The following ANKS1B variants were observed in gnomAD, a reference collection of about 807,000 sequenced individuals.
ANKS1B encodes ankyrin repeat and sterile alpha motif domain-containing protein 1B.
In ANKS1B, 36 loss-of-function variants were observed where a neutral mutation model predicts 148.3. The ratio of observed to expected loss-of-function variants is 0.24; its 90% CI spans 0.19 to 0.32. The LOEUF (loss-of-function observed/expected upper bound fraction) is 0.32. Ranked by LOEUF, ANKS1B falls within the 10% of genes least tolerant of loss-of-function variation. ANKS1B has a pLI of 1.00. For missense variants in ANKS1B, 1,157 were observed against 1,542.6 expected, an observed-to-expected ratio of 0.75 and a Z score of 4.19; for synonymous variants, 542 against 560.8, an observed-to-expected ratio of 0.97 and a Z score of 0.47.
intron 14 of ANKS1B, among the ~76,000 whole-genome samples, chr12:99,165,920 A>G (rs551669914): frequency 9.9e-5 from 15 of 151,892 alleles, no homozygotes; most frequent in Non-Finnish European, 2.1e-4. Context: ...TATATACAGG[A>G]TGATACAATA....
Position 99,020,384 on chromosome 12 carries a change from A to C in ANKS1B, c.2778+32773T>G, listed in dbSNP as rs1396879868. Among the ~76,000 whole-genome samples, 4 of 152,144 alleles carry C rather than the reference A, an allele frequency of 2.6e-5. No individual in the cohort carries two copies. The East Asian group carries it at 7.7e-4, about 29-fold the overall frequency. ...CCTATTTCTCTATTGTTTTACTAAC[A>C]TAAAAGTATTTTATCTGTTATTAAT... On this transcript the variant is annotated intron_variant, in intron 17 of 26. Transcript: ENST00000683438.
intron 17 of ANKS1B, among the ~76,000 whole-genome samples, chr12:98,950,838 T>C (rs898891671): frequency 6.6e-6 from 1 of 152,178 alleles, no homozygotes; most frequent in Non-Finnish European, 1.5e-5. Flanking sequence ...CAATTATAGC[T>C]CACTTCAGCC....
At chr12:99,531,990 T>C (rs1424653303) in intron 9 of ANKS1B, among the ~76,000 whole-genome samples, 1 of 152,176 alleles carries the variant, frequency 6.6e-6, no homozygotes, top group Non-Finnish European at 1.5e-5. Flanking sequence ...CATTTGTATG[T>C]CTTCTTTTGA....
rs529296327 is a variant in ANKS1B at position 98,854,016 on chromosome 12, C to A, written c.2779-21880G>T. ...TGGATTGGCTCACATGTGGACTGGG[C>A]CCACCCCTCTGGACTCATCAGCAAG... On this transcript the variant is annotated intron_variant, in intron 17 of 26. Transcript: ENST00000683438. Among the ~76,000 whole-genome samples, 3 of 152,270 alleles carry A rather than the reference C, an allele frequency of 2.0e-5. No individual in the cohort carries two copies. The East Asian group carries it at 5.8e-4, about 29-fold the overall frequency.
chr12:99,593,964 A>T (rs2097730359), intron 9 of ANKS1B, among the ~76,000 whole-genome samples: 1 of 151,754 alleles, frequency 6.6e-6, no homozygotes, highest in African/African-American at 2.4e-5. Flanking sequence ...GTTTTTTTTT[A>T]ATCTCCGTCT....
intron 1 of ANKS1B, among the ~76,000 whole-genome samples, chr12:99,973,455 C>T (rs558146718): frequency 3.9e-4 from 60 of 152,282 alleles, no homozygotes; most frequent in South Asian, 1.5e-3. Flanking sequence ...TAGCACATGC[C>T]TGTGGTCCCA....
Position 99,651,116 on chromosome 12 carries a change from G to A in ANKS1B, c.1272+3951C>T, listed in dbSNP as rs74647776. ...TACATAGTACTGTACTAATTGTACA[G>A]ATCCCAAAGGCCCCTGTATATATTG... On this transcript the variant is annotated intron_variant, in intron 9 of 26. Coordinates refer to ENST00000683438, the MANE Select transcript of ANKS1B (RefSeq NM_001352186.2). Among the ~76,000 whole-genome samples, 597 of 152,208 alleles carry A rather than the reference G, an allele frequency of 3.9e-3. 30 individuals carry two copies. The East Asian group carries it at 0.066, about 17-fold the overall frequency.
At chr12:99,886,153 T>G (rs2092812431) in intron 1 of ANKS1B, among the ~76,000 whole-genome samples, 2 of 152,238 alleles carry the variant, frequency 1.3e-5, no homozygotes, top group Admixed American at 6.5e-5. Context: ...TTTCACCACA[T>G]TCACGCCAAC....
chr12:99,225,582 C>T (rs1649389687), intron 14 of ANKS1B, among the ~76,000 whole-genome samples: 1 of 152,110 alleles, frequency 6.6e-6, no homozygotes, highest in Non-Finnish European at 1.5e-5. Context: ...TAATCAGCTG[C>T]CAGCGTGGCT....
At chr12:99,802,323 A>G (rs950126060) in intron 4 of ANKS1B, among the ~76,000 whole-genome samples, 3 of 152,206 alleles carry the variant, frequency 2.0e-5, no homozygotes, top group African/African-American at 7.2e-5. Flanking sequence ...CACTAGCATG[A>G]TATGGCACTA....
chr12:99,652,851 C>T (rs1173998002), intron 9 of ANKS1B, among the ~76,000 whole-genome samples: 4 of 151,902 alleles, frequency 2.6e-5, no homozygotes, highest in Non-Finnish European at 5.9e-5. Flanking sequence ...CATAGGAAAA[C>T]TAGATATCAA....
At chr12:98,794,591 G>A in intron 22 of ANKS1B, 1 of 770,590 alleles carries the variant, frequency 1.3e-6, no homozygotes, top group Admixed American at 1.8e-5. Context: ...AAATCTAAAT[G>A]TCATTAAAAA....
intron 1 of ANKS1B, among the ~76,000 whole-genome samples, chr12:99,874,933 A>G (rs1565905327): frequency 6.6e-6 from 1 of 152,212 alleles, no homozygotes; most frequent in Non-Finnish European, 1.5e-5. Flanking sequence ...TGAAGCACGT[A>G]TTATAGTAAG....
chr12:99,482,400 T>C (rs1382560224), intron 10 of ANKS1B, among the ~76,000 whole-genome samples: 8 of 152,236 alleles, frequency 5.3e-5, no homozygotes, highest in Non-Finnish European at 7.4e-5. Flanking sequence ...CCTACTTTTA[T>C]ACCAGTATCA....
At chr12:99,266,416 T>C (rs2076447578) in intron 12 of ANKS1B, among the ~76,000 whole-genome samples, 1 of 152,184 alleles carries the variant, frequency 6.6e-6, no homozygotes. Flanking sequence ...TTAAGGCTTA[T>C]AAAAATTTCC....
chr12:98,865,317 T>C (rs76522966), intron 17 of ANKS1B, among the ~76,000 whole-genome samples: 3,771 of 152,326 alleles, frequency 0.025, 154 homozygotes, highest in African/African-American at 0.086. Flanking sequence ...TGATAAATTA[T>C]GTCCCTCCCC....
At chr12:98,781,297 A>T (rs1437877542) in intron 23 of ANKS1B, 94 bp from the exon 24 acceptor site, 1 of 712,630 alleles carries the variant, frequency 1.4e-6, no homozygotes, top group Non-Finnish European at 2.5e-6. Flanking sequence ...GATGAGCTCA[A>T]ATTAAAAACA....
At chr12:99,956,277 C>CA (rs60549978) in intron 1 of ANKS1B, among the ~76,000 whole-genome samples, 1,297 of 89,954 alleles carry the variant, frequency 0.014, 19 homozygotes, top group African/African-American at 0.043. Flanking sequence ...GACTCTGTCT[C>CA]AAAAAAAAAA....
intron 1 of ANKS1B, among the ~76,000 whole-genome samples, chr12:99,880,700 T>C (rs2092425328): frequency 6.6e-6 from 1 of 152,202 alleles, no homozygotes; most frequent in African/African-American, 2.4e-5. Context: ...TCCCAAATCA[T>C]TCACTCTGAT....
Sources: allele counts gnomAD v4.1 joint callset (sites outside exome capture counted in the v4.1 genomes callset), GRCh38; gene constraint gnomAD v4.1.1; transcripts MANE v1.5; gene names NCBI Gene and HGNC (gene_info 2026-07-23, HGNC 2026-07-21).